The following TENM1 variants were observed in gnomAD, a reference collection of about 807,000 sequenced individuals.
The protein encoded by TENM1 is teneurin-1.
TENM1 carries 35 observed loss-of-function variants against 174.8 expected under a neutral mutation model. The ratio of observed to expected loss-of-function variants is 0.20; its 90% CI spans 0.15 to 0.27. The LOEUF (loss-of-function observed/expected upper bound fraction) is 0.27. Among genes scored for constraint, TENM1 ranks in the 10% least tolerant of loss-of-function variants. TENM1 has a pLI of 1.00. For missense variants in TENM1, 1,633 were observed against 2,130.1 expected (o/e 0.77, Z 4.59); for synonymous variants, 781 against 798.7 (o/e 0.98, Z 0.37).
chrX:125,059,258 C>A, the TENM1 span, among the ~76,000 whole-genome samples: 1 of 111,294 alleles, frequency 9.0e-6, no homozygotes, highest in Non-Finnish European at 1.9e-5. Flanking sequence ...AATAGCTAAG[C>A]CATGGTACCC....
intron 11 of TENM1, among the ~76,000 whole-genome samples, chrX:124,588,536 C>T (rs2049618888): frequency 1.1e-5 from 1 of 95,150 alleles, no homozygotes; most frequent in African/African-American, 3.9e-5. Flanking sequence ...ACTCTGGGGA[C>T]TGTTGTGGGG....
intron 11 of TENM1, among the ~76,000 whole-genome samples, chrX:124,572,321 T>C (rs2049073901): frequency 8.9e-6 from 1 of 111,777 alleles, no homozygotes. Context: ...ACACATTTCA[T>C]AATGATTAAA....
intron 23 of TENM1, among the ~76,000 whole-genome samples, chrX:124,429,350 G>A (rs924942955): frequency 4.5e-5 from 5 of 110,973 alleles, no homozygotes; most frequent in African/African-American, 1.7e-4. Flanking sequence ...CAGGCACTAT[G>A]TTATAAAGGT....
chrX:124,790,089 C>G (rs1465373763), intron 3 of TENM1, among the ~76,000 whole-genome samples: 1 of 111,404 alleles, frequency 9.0e-6, no homozygotes, highest in Non-Finnish European at 1.9e-5. Context: ...AAAAAGAGAG[C>G]TTGTGCAGGG....
the TENM1 span, among the ~76,000 whole-genome samples, chrX:125,005,732 C>A: frequency 9.1e-6 from 1 of 110,234 alleles, no homozygotes; most frequent in Non-Finnish European, 1.9e-5. Context: ...CCATGGAGAG[C>A]GAGCAGAAGC....
intron 22 of TENM1, among the ~76,000 whole-genome samples, chrX:124,461,412 T>G (rs116131441): frequency 0.012 from 1,338 of 111,374 alleles, 28 homozygotes; most frequent in African/African-American, 0.041. Context: ...ATATAGAAAA[T>G]AACGGAAATC....
chrX:124,850,761 A>T (rs1189612135), intron 3 of TENM1, among the ~76,000 whole-genome samples: 1 of 111,238 alleles, frequency 9.0e-6, no homozygotes, highest in Non-Finnish European at 1.9e-5. Flanking sequence ...TAATTAGAAA[A>T]AACACAATAG....
chrX:124,933,062 A>T (rs1344259658), intron 1 of TENM1, among the ~76,000 whole-genome samples: 3 of 111,900 alleles, frequency 2.7e-5, no homozygotes, highest in Non-Finnish European at 5.6e-5. Flanking sequence ...ATTTTAAAAT[A>T]ATCCCAGGAG....
intron 10 of TENM1, among the ~76,000 whole-genome samples, chrX:124,642,834 A>G (rs752107829): frequency 8.9e-6 from 1 of 112,557 alleles, no homozygotes; most frequent in South Asian, 3.7e-4. Flanking sequence ...TAGTCTTTCT[A>G]TACAAATAAA....
intron 14 of TENM1, among the ~76,000 whole-genome samples, chrX:124,558,514 C>T (rs776662683): frequency 9.0e-6 from 1 of 110,982 alleles, no homozygotes; most frequent in Non-Finnish European, 1.9e-5. Context: ...TACACACATG[C>T]ACAAACAAGT....
chrX:124,520,950 A>T (rs2047833891), intron 17 of TENM1, among the ~76,000 whole-genome samples, 166 bp from the exon 21 acceptor site: 1 of 111,887 alleles, frequency 8.9e-6, no homozygotes, highest in Non-Finnish European at 1.9e-5. Flanking sequence ...AGACTGTATG[A>T]TAATAGGTTT....
In TENM1 at chrX:124,409,524, G is replaced by T. The variant is rs1169343714; in HGVS notation, c.4983-3035C>A. Among the ~76,000 whole-genome samples the T allele has an allele frequency of 5.5e-5, 6 of 109,618 alleles. No homozygotes were observed. The South Asian group carries it at 2.4e-3, about 44-fold the overall frequency. On this transcript the variant is annotated intron_variant, in intron 25 of 31. Coordinates refer to ENST00000422452, the Ensembl canonical transcript of TENM1. ...ACATAGTGTTGGAAGTTCTGGCCAG[G>T]GCAATCAGGCAGGAGAAGGAAATAA...
chrX:124,850,594 C>T (rs932899637), intron 3 of TENM1, among the ~76,000 whole-genome samples: 3 of 110,960 alleles, frequency 2.7e-5, no homozygotes, highest in African/African-American at 9.8e-5. Context: ...AGGATATGTG[C>T]TGAAGAAGGC....
the TENM1 span, among the ~76,000 whole-genome samples, chrX:125,062,574 C>T: frequency 5.2e-3 from 585 of 112,007 alleles, 3 homozygotes; most frequent in African/African-American, 0.018. Flanking sequence ...TCAAACAATT[C>T]CTGGAATCAA....
intron 1 of TENM1, among the ~76,000 whole-genome samples, chrX:124,962,447 T>C (rs2058668044): frequency 8.9e-6 from 1 of 112,108 alleles, no homozygotes; most frequent in Non-Finnish European, 1.9e-5. Flanking sequence ...CTGTTGTTGC[T>C]AGTCAAGTCC....
intron 11 of TENM1, among the ~76,000 whole-genome samples, chrX:124,568,784 T>G (rs1432445628): frequency 8.9e-6 from 1 of 111,823 alleles, no homozygotes; most frequent in African/African-American, 3.2e-5. Context: ...CTGACATTTA[T>G]GGATGCTTTT....
chrX:124,717,204 A>G (rs767123776), intron 4 of TENM1, among the ~76,000 whole-genome samples: 63 of 111,293 alleles, frequency 5.7e-4, no homozygotes, highest in Non-Finnish European at 9.2e-4. Flanking sequence ...CATTCATTCC[A>G]TGGAATATTA....
At chrX:124,819,360 G>A (rs372884467) in intron 3 of TENM1, among the ~76,000 whole-genome samples, 51 of 111,207 alleles carry the variant, frequency 4.6e-4, no homozygotes, top group African/African-American at 1.5e-3. Flanking sequence ...AAATTCCAAA[G>A]TGATTTTACC....
intron 3 of TENM1, among the ~76,000 whole-genome samples, chrX:124,754,070 T>C (rs772494849): frequency 3.6e-5 from 4 of 111,532 alleles, no homozygotes; most frequent in South Asian, 3.8e-4. Flanking sequence ...ATGGTACCAG[T>C]TCCTCCTTGT....
Sources: gnomAD v4.1 joint callset for allele counts (sites outside exome capture counted in the v4.1 genomes callset) on GRCh38, gnomAD v4.1.1 for gene constraint, MANE v1.5 for transcripts, NCBI Gene and HGNC (gene_info 2026-07-23, HGNC 2026-07-21) for gene names.